ZNF277: variants seen among roughly 807,000 people sequenced by gnomAD.
ZNF277 encodes zinc finger protein 277.
ZNF277 carries 55 observed loss-of-function variants against 60.7 expected under a neutral mutation model. The observed-to-expected ratio is 0.91, with a 90% CI of 0.73 to 1.13. The LOEUF (loss-of-function observed/expected upper bound fraction) is 1.13, where lower values mean the gene tolerates loss of function less well. Ranked by LOEUF, ZNF277 falls within the 50% of genes most tolerant of loss-of-function variation. ZNF277 has a pLI of 0.00. For missense variants in ZNF277, 510 were observed against 523.0 expected, an observed-to-expected ratio of 0.98 and a Z score of 0.24; for synonymous variants, 178 against 179.3, an observed-to-expected ratio of 0.99 and a Z score of 0.06.
At chr7:112,336,303 A>G (rs2117140028) in intron 8 of ZNF277, 132 bp downstream of exon 8, 2 of 666,980 alleles carry the variant, frequency 3.0e-6, no homozygotes, top group Non-Finnish European at 2.3e-6. Context: ...GCATCCCTTC[A>G]TGTAATGTGG....
intron 1 of ZNF277, among the ~76,000 whole-genome samples, chr7:112,229,601 C>T (rs1822269197): frequency 6.6e-6 from 1 of 152,094 alleles, no homozygotes; most frequent in Non-Finnish European, 1.5e-5. Context: ...ACAGTTTTCC[C>T]TAGAAAAAAA....
chr7:112,287,129 A>C (rs952832071), intron 2 of ZNF277, 55 bp downstream of exon 2: 3 of 1,581,688 alleles, frequency 1.9e-6, no homozygotes, highest in Non-Finnish European at 2.6e-6. Flanking sequence ...GTGGTGGCTC[A>C]TGTCTGTAAT....
chr7:112,206,819 G>A lies in ZNF277; in HGVS notation c.91+12G>A. On this transcript the variant is annotated intron_variant, in intron 1 of 11. Transcript: ENST00000361822. ...TGTAGGTTATGGGGGTGAGTACGGTGCCCCGGAGGCGCGGCTGATGTGTCT... is the reference window on the plus strand; with the variant it reads ...TGTAGGTTATGGGGGTGAGTACGGTACCCCGGAGGCGCGGCTGATGTGTCT... 6.2e-7 allele frequency: 1 copy of A among 1,611,770 alleles called. No homozygotes were observed. Among genetic ancestry groups the A allele is most frequent in the Non-Finnish European group, 8.5e-7 (1 of 1,178,772 alleles).
intron 1 of ZNF277, among the ~76,000 whole-genome samples, chr7:112,249,973 C>G (rs1222970803): frequency 1.3e-5 from 2 of 152,106 alleles, no homozygotes; most frequent in Admixed American, 6.6e-5. Flanking sequence ...AGGATAACAG[C>G]AATTGTTCAG....
intron 1 of ZNF277, among the ~76,000 whole-genome samples, chr7:112,212,934 G>T (rs937749743): frequency 6.6e-6 from 1 of 152,094 alleles, no homozygotes; most frequent in Non-Finnish European, 1.5e-5. Flanking sequence ...GTATACTGGG[G>T]TTGCCTCACA....
In ZNF277 at chr7:112,241,120, G is replaced by T. The variant is rs76336494; in HGVS notation, c.91+34313G>T. Among the ~76,000 whole-genome samples, 3 of 151,588 alleles carry T rather than the reference G, an allele frequency of 2.0e-5. No homozygotes were observed. In the East Asian group the frequency reaches 5.8e-4, roughly 29 times the overall value. ...AACTATCGTCTGAAAAGGGATTTAC[G>T]ACCAGAATATACAAGGAGTTCAAAC... On this transcript the variant is annotated intron_variant, in intron 1 of 11. Transcript: ENST00000361822.
intron 1 of ZNF277, among the ~76,000 whole-genome samples, chr7:112,276,440 CAG>C (rs1457597001): frequency 6.6e-6 from 1 of 152,102 alleles, no homozygotes. Context: ...ACACCTAAAA[CAG>C]AGTTTTCTTT....
At chr7:112,252,394 A>C (rs570661779) in intron 1 of ZNF277, among the ~76,000 whole-genome samples, 20 of 152,226 alleles carry the variant, frequency 1.3e-4, no homozygotes, top group Non-Finnish European at 2.5e-4. Flanking sequence ...TGAATGGAGC[A>C]GGATAGCACA....
Position 112,296,640 on chromosome 7 carries a change from C to T in ZNF277, c.465+329C>T, listed in dbSNP as rs113732103. 7.9e-5 allele frequency among the ~76,000 whole-genome samples: 12 copies of T among 151,774 alleles called. 2 individuals are homozygous for T. Among genetic ancestry groups the T allele is most frequent in the African/African-American group, 2.9e-4 (12 of 41,498 alleles). On this transcript the variant is annotated intron_variant, in intron 4 of 11. Transcript: ENST00000361822. ...TTCAGTAGTCATGGAAAAATGCCCT[C>T]AGCTAAAATTGAGTTGAATTGATTA...
At chr7:112,295,988 C>T in intron 3 of ZNF277, 31 bp downstream of exon 3, 1 of 1,482,828 alleles carries the variant, frequency 6.7e-7, no homozygotes, top group Non-Finnish European at 9.4e-7. Context: ...CCATCTTTTC[C>T]CTACAGTATA....
At chr7:112,341,222 A>C (rs1343425166) in intron 11 of ZNF277, 176 bp downstream of exon 11, 12 of 488,018 alleles carry the variant, frequency 2.5e-5, no homozygotes, top group African/African-American at 2.4e-4. Flanking sequence ...TTTTAAAATA[A>C]TCCCCCTCTT....
At chr7:112,333,248 A>G (rs59496194) in intron 7 of ZNF277, among the ~76,000 whole-genome samples, 3,314 of 152,252 alleles carry the variant, frequency 0.022, 123 homozygotes, top group African/African-American at 0.074. Context: ...TTGTTATATT[A>G]GTAGTGGGTT....
In ZNF277 at chr7:112,274,713, T is replaced by G. The variant is rs191975257; in HGVS notation, c.92-12160T>G. On this transcript the variant is annotated intron_variant, in intron 1 of 11. Coordinates refer to ENST00000361822, the MANE Select transcript of ZNF277 (RefSeq NM_021994.3). ...GATTTACAATTTTCTAGTTGCCAAC[T>G]CATTTCATTAAAGTATTAACTAGAC... Among the ~76,000 whole-genome samples, 246 of 152,318 alleles carry G rather than the reference T, an allele frequency of 1.6e-3. 1 individual carries two copies. Among genetic ancestry groups the G allele is most frequent in the African/African-American group, 5.8e-3 (240 of 41,572 alleles).
At position 112,268,854 on chromosome 7, in the gene ZNF277, A is replaced by G. The variant is rs183391805; in HGVS notation, c.92-18019A>G. The stretch of plus-strand genomic sequence containing the variant: ...GGTTTGGTTTCATTGATTGCCACTT[A>G]ATAACTTTAGATAAACAGTCAGTTG... On this transcript the variant is annotated intron_variant, in intron 1 of 11. Transcript: ENST00000361822. Among the ~76,000 whole-genome samples, 1,394 of 152,222 alleles carry G rather than the reference A, an allele frequency of 9.2e-3. 28 individuals carry two copies. Among genetic ancestry groups the G allele is most frequent in the African/African-American group, 0.032 (1,330 of 41,526 alleles).
chr7:112,286,891 T>C lies in ZNF277; in HGVS notation c.110T>C (p.Leu37Pro). ...VGYGDSKDCI[L>P]EPLSLPESPG... ...ATTCCAGACAGTAAGGATTGTATCC[T>C]GGAGCCGCTTTCCCTGCCAGAAAGT... Residue 37 changes from leucine (L) to proline (P), a missense_variant, in exon 2 of 12, where the codon CTG becomes CCG. Transcript: ENST00000361822. 1.3e-6 allele frequency: 2 copies of C among 1,597,464 alleles called. No individual in the cohort carries two copies. The highest frequency in any genetic ancestry group is 4.5e-5 in the East Asian group (2 of 44,592).
chr7:112,231,758 T>G lies in ZNF277; in HGVS notation c.91+24951T>G, dbSNP rs1454467169. On this transcript the variant is annotated intron_variant, in intron 1 of 11. Coordinates refer to ENST00000361822, the MANE Select transcript of ZNF277 (RefSeq NM_021994.3). ...GAGAGGATACCAGCATAGCACTATT[T>G]TACATCAAGTACTGTTATCAACACA... 2.6e-5 allele frequency among the ~76,000 whole-genome samples: 4 copies of G among 152,062 alleles called. No individual in the cohort carries two copies. In the East Asian group the frequency reaches 7.7e-4, roughly 29 times the overall value.
chr7:112,306,770 A>G (rs931940152), intron 4 of ZNF277, among the ~76,000 whole-genome samples: 2 of 152,020 alleles, frequency 1.3e-5, no homozygotes, highest in Admixed American at 6.6e-5. Flanking sequence ...TATTTTAAAT[A>G]TTTAATTTTT....
Position 112,332,653 on chromosome 7 carries a change from T to C in ZNF277, c.801+2437T>C, listed in dbSNP as rs532628514. Among the ~76,000 whole-genome samples the C allele has an allele frequency of 1.6e-3, 237 of 152,330 alleles. 1 individual carries two copies. The highest frequency in any genetic ancestry group is 5.4e-3 in the African/African-American group (224 of 41,578). On this transcript the variant is annotated intron_variant, in intron 7 of 11. Coordinates refer to ENST00000361822, the MANE Select transcript of ZNF277 (RefSeq NM_021994.3). ...CTTCATCTTCCTAGCCCGTTTCCAC[T>C]TCCTATTCCTATTCCCTATTTTCTA...
rs943197938 is a variant in ZNF277, at chr7:112,269,437, T to A, written c.92-17436T>A. 3.9e-5 allele frequency among the ~76,000 whole-genome samples: 6 copies of A among 152,232 alleles called. No homozygotes were observed. In the East Asian group the frequency reaches 9.6e-4, roughly 24 times the overall value. ...CTAGGACAATTAGTTGTAAAGCATGTTTTGGTAAACCAAACACTATTTTAT... is the reference window on the plus strand; with the variant it reads ...CTAGGACAATTAGTTGTAAAGCATGATTTGGTAAACCAAACACTATTTTAT... On this transcript the variant is annotated intron_variant, in intron 1 of 11. Transcript: ENST00000361822.
Sources: allele counts gnomAD v4.1 joint callset (sites outside exome capture counted in the v4.1 genomes callset), GRCh38; gene constraint gnomAD v4.1.1; transcripts MANE v1.5; gene names NCBI Gene and HGNC (gene_info 2026-07-23, HGNC 2026-07-21).